The following TIAM2 variants were observed in gnomAD, a reference collection of about 807,000 sequenced individuals.
The protein encoded by TIAM2 is rho guanine nucleotide exchange factor TIAM2.
Under a neutral mutation model 152.9 loss-of-function variants are expected in TIAM2, and 80 were observed. The ratio of observed to expected loss-of-function variants is 0.52; its 90% CI spans 0.44 to 0.63. The LOEUF (loss-of-function observed/expected upper bound fraction) is 0.63. Ranked by LOEUF, TIAM2 falls within the 30% of genes least tolerant of loss-of-function variation. TIAM2 has a pLI of 0.00. For synonymous variants in TIAM2, 804 were observed against 838.0 expected (o/e 0.96, Z 0.70); for missense variants, 1,965 against 2,120.1 (o/e 0.93, Z 1.44).
At chr6:155,043,965 C>T (rs1777104040) in intron 1 of TIAM2, among the ~76,000 whole-genome samples, 1 of 152,126 alleles carries the variant, frequency 6.6e-6, no homozygotes, top group Non-Finnish European at 1.5e-5. Flanking sequence ...ACCTGAGGGC[C>T]ATGGCATAGT....
At chr6:155,105,432 AGCC>A (rs1350847122) in intron 2 of TIAM2, among the ~76,000 whole-genome samples, 3 of 152,114 alleles carry the variant, frequency 2.0e-5, no homozygotes, top group African/African-American at 7.2e-5. Context: ...TTATGGCATG[AGCC>A]ATCGCCCCTG....
At chr6:155,082,656 A>C (rs957611545) in intron 1 of TIAM2, among the ~76,000 whole-genome samples, 4 of 144,804 alleles carry the variant, frequency 2.8e-5, no homozygotes, top group African/African-American at 5.1e-5. Flanking sequence ...ATCTCAACCC[A>C]AAAAAACCCC....
At chr6:155,081,318 A>C (rs1190243686) in intron 1 of TIAM2, among the ~76,000 whole-genome samples, 1 of 151,544 alleles carries the variant, frequency 6.6e-6, no homozygotes, top group Non-Finnish European at 1.5e-5. Context: ...CCGCCCATGT[A>C]CTTACAGTCA....
intron 1 of TIAM2, among the ~76,000 whole-genome samples, chr6:155,065,792 T>C (rs1281363478): frequency 2.0e-5 from 3 of 152,140 alleles, no homozygotes; most frequent in Non-Finnish European, 2.9e-5. Flanking sequence ...TGATTTTACA[T>C]GTGAATAAAA....
chr6:155,021,873 T>C lies in TIAM2; in HGVS notation c.-209+26381T>C, dbSNP rs1253564138. ...ATTTATTTCTTTACTCAACACACAG[T>C]GCACACATCAGTGCTGTTTGAGGTG... On this transcript the variant is annotated intron_variant, in intron 1 of 26. Coordinates refer to ENST00000682666, the MANE Select transcript of TIAM2 (RefSeq NM_012454.4). Among the ~76,000 whole-genome samples the C allele has an allele frequency of 3.9e-5, 6 of 152,212 alleles. No homozygotes were observed. The South Asian group carries it at 1.0e-3, about 26-fold the overall frequency.
At chr6:155,024,765 T>C (rs1003844918) in intron 1 of TIAM2, among the ~76,000 whole-genome samples, 5 of 152,198 alleles carry the variant, frequency 3.3e-5, no homozygotes, top group Admixed American at 3.3e-4. Context: ...TCCTTGACTT[T>C]CTTTTCCCTT....
At chr6:155,028,491 ATATACTGTGTTAC>A (rs1583157991) in intron 1 of TIAM2, among the ~76,000 whole-genome samples, 17 of 133,214 alleles carry the variant, frequency 1.3e-4, no homozygotes, top group Non-Finnish European at 1.7e-4. Context: ...TACTACATAT[ATATACTGTGTTAC>A]ATATATACTA....
intron 9 of TIAM2, among the ~76,000 whole-genome samples, chr6:155,172,025 G>C (rs1027670404): frequency 6.6e-6 from 1 of 152,174 alleles, no homozygotes. Flanking sequence ...AGCATCTGCT[G>C]TGAGAACACA....
At chr6:155,056,388 T>A (rs566418368) in intron 1 of TIAM2, among the ~76,000 whole-genome samples, 126 of 152,222 alleles carry the variant, frequency 8.3e-4, no homozygotes, top group Non-Finnish European at 1.5e-3. Flanking sequence ...GCCAGGCTGA[T>A]CATGAACTCC....
chr6:155,038,765 T>G (rs1776966472), intron 1 of TIAM2, among the ~76,000 whole-genome samples: 1 of 151,870 alleles, frequency 6.6e-6, no homozygotes, highest in South Asian at 2.1e-4. Flanking sequence ...AGATCCCATC[T>G]CTACCAAAAT....
chr6:155,188,205 G>T (rs534949231), intron 14 of TIAM2, among the ~76,000 whole-genome samples: 2 of 152,144 alleles, frequency 1.3e-5, no homozygotes, highest in Non-Finnish European at 2.9e-5. Flanking sequence ...GCAGGCAGTC[G>T]ACTCTTAGCT....
rs979565843 is a variant in TIAM2, at chr6:155,240,463, C to G, written c.3169-67C>G. On this transcript the variant is annotated intron_variant, in intron 15 of 26. Coordinates refer to ENST00000682666, the MANE Select transcript of TIAM2 (RefSeq NM_012454.4). ...AGCACAGACGGAGACACTTGGTGCC[C>G]TTGGGGGCAGCGGATACTATCAGGG... 9.9e-6 allele frequency: 15 copies of G among 1,511,218 alleles called. No homozygotes were observed. In the African/African-American group the frequency reaches 1.9e-4, roughly 19 times the overall value. The allele number at this position is 1,511,218 out of a possible 1,614,324, so 93.6% of individuals were successfully genotyped here.
chr6:155,089,193 G>A (rs1176977898), intron 1 of TIAM2, among the ~76,000 whole-genome samples: 1 of 146,292 alleles, frequency 6.8e-6, no homozygotes, highest in East Asian at 2.2e-4. Flanking sequence ...AATAGGAGAG[G>A]ATCCAGAAAC....
At chr6:155,117,634 G>A (rs1420709120) in intron 2 of TIAM2, among the ~76,000 whole-genome samples, 2 of 152,262 alleles carry the variant, frequency 1.3e-5, no homozygotes, top group Non-Finnish European at 2.9e-5. Context: ...GTAAAGGCGG[G>A]GTTTCACCAT....
intron 1 of TIAM2, among the ~76,000 whole-genome samples, chr6:155,053,761 A>G (rs990041020): frequency 5.3e-5 from 8 of 152,018 alleles, no homozygotes; most frequent in African/African-American, 1.9e-4. Flanking sequence ...ATGAGCCACT[A>G]CGCCTGGCCT....
At chr6:154,996,278 G>C (rs1301672348) in intron 1 of TIAM2, among the ~76,000 whole-genome samples, 1 of 152,130 alleles carries the variant, frequency 6.6e-6, no homozygotes, top group Non-Finnish European at 1.5e-5. Flanking sequence ...CTTGCATGCC[G>C]TTTTTTTAAA....
intron 19 of TIAM2, among the ~76,000 whole-genome samples, chr6:155,246,263 G>A (rs1783323947): frequency 6.6e-6 from 1 of 152,002 alleles, no homozygotes. Flanking sequence ...TTATCCTGAC[G>A]CCCTTAGTGC....
chr6:155,253,758 G>C (rs1783823907), intron 24 of TIAM2: 2 of 495,596 alleles, frequency 4.0e-6, no homozygotes, highest in South Asian at 6.3e-5. Flanking sequence ...TTCAGATGGA[G>C]GAAAATCTGC....
intron 2 of TIAM2, among the ~76,000 whole-genome samples, chr6:155,102,058 A>G: frequency 6.6e-6 from 1 of 151,064 alleles, no homozygotes. Context: ...GTGCAGTGGC[A>G]CTATCTTAGC....
Sources: gnomAD v4.1 joint callset for allele counts (sites outside exome capture counted in the v4.1 genomes callset) on GRCh38, gnomAD v4.1.1 for gene constraint, MANE v1.5 for transcripts, NCBI Gene and HGNC (gene_info 2026-07-23, HGNC 2026-07-21) for gene names.